Variants in CDC42BPG observed in about 807,000 individuals in gnomAD.
CDC42BPG encodes serine/threonine-protein kinase MRCK gamma.
CDC42BPG carries 157 observed loss-of-function variants against 192.2 expected under a neutral mutation model. The ratio of observed to expected loss-of-function variants is 0.82; its 90% CI spans 0.72 to 0.93. The LOEUF (loss-of-function observed/expected upper bound fraction) is 0.93, where lower values mean the gene tolerates loss of function less well. Among genes scored for constraint, CDC42BPG ranks in the 40% least tolerant of loss-of-function variants. The pLI, the probability that CDC42BPG is intolerant of heterozygous loss-of-function variation, is 0.00. For missense variants in CDC42BPG, 1,992 were observed against 2,122.1 expected (o/e 0.94, Z 1.20); for synonymous variants, 981 against 918.5 (o/e 1.07, Z -1.23).
intron 1 of CDC42BPG, among the ~76,000 whole-genome samples, chr11:64,843,925 T>G (rs539302192): frequency 6.6e-6 from 1 of 152,152 alleles, no homozygotes; most frequent in East Asian, 1.9e-4. Flanking sequence ...CAGATCTGTG[T>G]GTTTTGCAGT....
chr11:64,836,705 CTGGGGGG>C lies in CDC42BPG; in HGVS notation c.1384+27_1384+33del, dbSNP rs761923415. 1.2e-3 allele frequency: 414 copies of C among 353,508 alleles called. 55 individuals carry two copies. The highest frequency in any genetic ancestry group is 0.011 in the South Asian group (321 of 30,182). 21.9% of individuals were successfully genotyped at this position (353,508 alleles called of 1,614,324 possible). On this transcript the variant is annotated intron_variant, in intron 11 of 36. Transcript: ENST00000342711. ...ACCCGAGCCCAGGTGGGACTCAGCC[CTGGGGGG>C]GGGGGGGGGGTGGGCGGAAGGGATA...
rs1943172825 is a variant in CDC42BPG at position 64,839,323 on chromosome 11, G to C, written c.676-90C>G. 5 of 1,550,994 alleles carry C rather than the reference G, an allele frequency of 3.2e-6. No individual in the cohort carries two copies. In the Admixed American group the frequency reaches 8.5e-5, roughly 26 times the overall value. ...GCGATGGCCCTGTCACCCCTACTCT[G>C]CCAGGCTGGCCTGCTGCTGCCCACC... On this transcript the variant is annotated intron_variant, in intron 6 of 36. Transcript: ENST00000342711.
At chr11:64,835,464 G>T in intron 15 of CDC42BPG, 36 bp downstream of exon 15, 1 of 1,610,106 alleles carries the variant, frequency 6.2e-7, no homozygotes. Flanking sequence ...CCCAGGCCAG[G>T]CCCGGCCCCT....
At position 64,831,538 on chromosome 11, in the gene CDC42BPG, G is replaced by A. The variant is rs1208762302; in HGVS notation, c.3271C>T (p.Leu1091=). ...GCAGCGCAGAGCGTGTGAGGCAGCAGCGGCAGCCCGTTGTCGTAAGCCTCC... is the reference window on the plus strand; with the variant it reads ...GCAGCGCAGAGCGTGTGAGGCAGCAACGGCAGCCCGTTGTCGTAAGCCTCC... The part of the protein sequence containing the change: ...LKEAYDNGLP[L]LPHTLCAAIL... Residue 1091 remains leucine (L), a synonymous_variant, in exon 28 of 37, where the codon CTG becomes TTG. Transcript: ENST00000342711. The A allele has an allele frequency of 3.1e-6, 5 of 1,611,548 alleles. No homozygotes were observed. The Admixed American group carries it at 8.3e-5, about 27-fold the overall frequency.
chr11:64,826,139 G>A (rs989937752), intron 36 of CDC42BPG, among the ~76,000 whole-genome samples: 1 of 151,324 alleles, frequency 6.6e-6, no homozygotes, highest in Non-Finnish European at 1.5e-5. Context: ...GTACTATGCT[G>A]AGCCCTTCGC....
chr11:64,839,991 C>T (rs190157180), intron 5 of CDC42BPG, 129 bp downstream of exon 5: 25 of 934,392 alleles, frequency 2.7e-5, no homozygotes, highest in South Asian at 1.9e-4. Flanking sequence ...AGGAAGCACA[C>T]GGATGAGGCA....
intron 5 of CDC42BPG, 137 bp from the exon 6 acceptor site, chr11:64,839,708 TGAG>T: frequency 1.5e-6 from 1 of 661,710 alleles, no homozygotes; most frequent in Non-Finnish European, 2.6e-6. Context: ...GCTCATGTGA[TGAG>T]CAACGTGTGT....
chr11:64,844,199 G>A (rs1289307609), intron 1 of CDC42BPG, among the ~76,000 whole-genome samples: 1 of 152,052 alleles, frequency 6.6e-6, no homozygotes, highest in African/African-American at 2.4e-5. Context: ...CTGTGAGAGG[G>A]AGAGAGCGTG....
At chr11:64,839,309 G>T in intron 6 of CDC42BPG, 76 bp from the exon 7 acceptor site, 1 of 1,571,462 alleles carries the variant, frequency 6.4e-7, no homozygotes. Flanking sequence ...CGATGGCCCT[G>T]TCACCCCTAC....
At position 64,829,733 on chromosome 11, in the gene CDC42BPG, G is replaced by T. The variant is rs7936466; in HGVS notation, c.3705C>A (p.Gly1235=). 405,480 of 1,606,934 alleles carry T rather than the reference G, an allele frequency of 0.25. 56,235 individuals carry two copies. The highest frequency in any genetic ancestry group is 0.57 in the East Asian group (25,357 of 44,656). The change falls in exon 30 of 37, where the codon GGC becomes GGA. Residue 1235 remains glycine (G), a synonymous_variant. Transcript: ENST00000342711. The stretch of plus-strand genomic sequence containing the variant: ...CGGCGGCGCCCACACATAGCCGGTC[G>T]CCCAGCAGCCCCAGGCTCTGCACAG... ...PATVQSLGLL[G]DRLCVGAAGG...
Position 64,844,425 on chromosome 11 carries a change from G to C in CDC42BPG, c.145C>G (p.Gln49Glu). ...GPLRRERSVAQFLSWASPFVS... is the reference protein window; with the variant it reads ...GPLRRERSVAEFLSWASPFVS... ...CGCCACTCACCCCAGCTCAGGAACT[G>C]CGCCACGCTGCGCTCCCGCCGTAGG... Residue 49 changes from glutamine (Q) to glutamate (E), a missense_variant, in exon 1 of 37, where the codon CAG becomes GAG. This residue lies in a region of CDC42BPG where 1,656 missense variants were observed against 1,844.3 expected (regional missense o/e 0.90). Coordinates refer to ENST00000342711, the MANE Select transcript of CDC42BPG (RefSeq NM_017525.3). 1 of 1,462,222 alleles carries C rather than the reference G, an allele frequency of 6.8e-7. No individual in the cohort carries two copies. Among genetic ancestry groups the C allele is most frequent in the Non-Finnish European group, 9.0e-7 (1 of 1,111,910 alleles). 90.6% of individuals were successfully genotyped at this position (1,462,222 alleles called of 1,614,324 possible). A position where few individuals can be genotyped will look rare whatever the true frequency, so the allele number is the denominator to read the frequency against.
intron 4 of CDC42BPG, 123 bp from the exon 5 acceptor site, chr11:64,840,391 C>T (rs1299334709): frequency 6.9e-7 from 1 of 1,447,262 alleles, no homozygotes; most frequent in Non-Finnish European, 9.3e-7. Context: ...GGCCAGTTCC[C>T]AGCCAGGGCT....
Position 64,836,133 on chromosome 11 carries a change from C to T in CDC42BPG, c.1652G>A (p.Arg551Gln), listed in dbSNP as rs777941977. 35 of 1,599,628 alleles carry T rather than the reference C, an allele frequency of 2.2e-5. 1 individual carries two copies. Among genetic ancestry groups the T allele is most frequent in the Admixed American group, 1.7e-4 (10 of 58,554 alleles). ...RALSSQLEEA[R>Q]AAQRELEAQV... is the part of the protein sequence containing the mutation. ...GTCACTCACCTCCCTCTGGGCAGCC[C>T]GGGCTTCCTCCAGCTGGGAGCTCAG... Residue 551 changes from arginine (R) to glutamine (Q), a missense_variant, in exon 13 of 37, where the codon CGG becomes CAG. Coordinates refer to ENST00000342711, the MANE Select transcript of CDC42BPG (RefSeq NM_017525.3).
At chr11:64,835,711 G>C in intron 14 of CDC42BPG, 51 bp downstream of exon 14, 1 of 1,609,064 alleles carries the variant, frequency 6.2e-7, no homozygotes, top group Non-Finnish European at 8.5e-7. Flanking sequence ...GCTCTGAGTG[G>C]GGTCAGGCTG....
Position 64,827,273 on chromosome 11 carries a change from C to G in CDC42BPG, c.4271+5G>C. 1 of 1,613,438 alleles carries G rather than the reference C, an allele frequency of 6.2e-7. No individual in the cohort carries two copies. Among genetic ancestry groups the G allele is most frequent in the Non-Finnish European group, 8.5e-7 (1 of 1,179,756 alleles). On this transcript the variant is annotated splice_donor_5th_base_variant and intron_variant, in intron 33 of 36. Coordinates refer to ENST00000342711, the MANE Select transcript of CDC42BPG (RefSeq NM_017525.3). The stretch of plus-strand genomic sequence containing the variant: ...AGCCTCAGCCCCCGCGTCGTGCACG[C>G]GCACCTGCGCTGCTGCTTCTGCTGC...
At chr11:64,836,864 C>T in intron 10 of CDC42BPG, 45 bp from the exon 11 acceptor site, 1 of 1,610,362 alleles carries the variant, frequency 6.2e-7, no homozygotes, top group Non-Finnish European at 8.5e-7. Context: ...TCCTCCATTC[C>T]CGCAGCAGCA....
chr11:64,833,672 G>A lies in CDC42BPG; in HGVS notation c.2566-13C>T, dbSNP rs549593981. On this transcript the variant is annotated splice_polypyrimidine_tract_variant and intron_variant, in intron 22 of 36. Transcript: ENST00000342711. ...TGGGGAACACAGCCTGCAGGAGGGC[G>A]GGGGAGCAGGTGAGACGGGCAAGGG... is the stretch of plus-strand genomic sequence containing the variant. The A allele has an allele frequency of 7.4e-6, 12 of 1,612,544 alleles. No homozygotes were observed. Among genetic ancestry groups the A allele is most frequent in the East Asian group, 6.7e-5 (3 of 44,838 alleles).
intron 27 of CDC42BPG, among the ~76,000 whole-genome samples, chr11:64,832,105 A>G (rs1592695792): frequency 1.3e-5 from 2 of 152,248 alleles, no homozygotes; most frequent in African/African-American, 4.8e-5. Flanking sequence ...TGTGGTGCAC[A>G]CAGGCACAGG....
In CDC42BPG at chr11:64,835,746, G is replaced by C; in HGVS notation, c.1758+16C>G. 2 of 1,613,184 alleles carry C rather than the reference G, an allele frequency of 1.2e-6. No individual in the cohort carries two copies. Among genetic ancestry groups the C allele is most frequent in the East Asian group, 2.2e-5 (1 of 44,870 alleles). On this transcript the variant is annotated intron_variant, in intron 14 of 36. Transcript: ENST00000342711. ...GGTGGGGAAGCACCTCTTGCCAAGG[G>C]GGAGGACTTGACTACCTTGGCCTGG... is the stretch of plus-strand genomic sequence containing the variant.
Sources: allele counts gnomAD v4.1 joint callset (sites outside exome capture counted in the v4.1 genomes callset), GRCh38; gene constraint gnomAD v4.1.1; regional missense constraint gnomAD v4.1.1; transcripts MANE v1.5; gene names NCBI Gene and HGNC (gene_info 2026-07-23, HGNC 2026-07-21).